Variants in COL22A1 observed in about 807,000 individuals in gnomAD.
COL22A1 encodes the protein collagen type XXII alpha 1 chain.
Under a neutral mutation model 248.9 loss-of-function variants are expected in COL22A1, and 221 were observed. The ratio of observed to expected loss-of-function variants is 0.89; its 90% CI spans 0.80 to 0.99. The LOEUF (loss-of-function observed/expected upper bound fraction) is 0.99. COL22A1 is among the 50% of genes least tolerant of loss of function. The pLI is 0.00. For missense variants in COL22A1, 2,240 were observed against 2,179.0 expected, an observed-to-expected ratio of 1.03 and a Z score of -0.56; for synonymous variants, 891 against 793.4, an observed-to-expected ratio of 1.12 and a Z score of -2.07.
At chr8:138,886,861 T>C (rs1051566392) in intron 1 of COL22A1, among the ~76,000 whole-genome samples, 4 of 152,214 alleles carry the variant, frequency 2.6e-5, no homozygotes, top group African/African-American at 7.2e-5. Context: ...CTCCATCCCC[T>C]TTCCATGCTG....
intron 40 of COL22A1, 70 bp from the exon 41 acceptor site, chr8:138,676,705 T>C (rs1825585575): frequency 8.0e-6 from 9 of 1,125,034 alleles, no homozygotes; most frequent in Non-Finnish European, 1.2e-5. Flanking sequence ...ACAAAATGAA[T>C]CATGCTTCTT....
chr8:138,830,047 A>G (rs1272966125), intron 5 of COL22A1, among the ~76,000 whole-genome samples: 1 of 152,232 alleles, frequency 6.6e-6, no homozygotes, highest in Non-Finnish European at 1.5e-5. Flanking sequence ...CAGGGAGAAA[A>G]AAGATCATTA....
intron 18 of COL22A1, among the ~76,000 whole-genome samples, chr8:138,758,380 A>G (rs891650866): frequency 6.6e-6 from 1 of 152,152 alleles, no homozygotes; most frequent in Non-Finnish European, 1.5e-5. Context: ...TCCAACTACT[A>G]AGTTTCAGGA....
intron 31 of COL22A1, among the ~76,000 whole-genome samples, chr8:138,702,943 G>T (rs1185688614): frequency 3.9e-5 from 6 of 152,126 alleles, no homozygotes; most frequent in African/African-American, 1.4e-4. Flanking sequence ...ACCCTAACAC[G>T]TATAGAGGGC....
chr8:138,825,286 G>A (rs1819494608), intron 6 of COL22A1, among the ~76,000 whole-genome samples: 1 of 152,188 alleles, frequency 6.6e-6, no homozygotes, highest in Non-Finnish European at 1.5e-5. Context: ...CTGCATCTCA[G>A]TATGACCAGG....
chr8:138,807,872 C>T lies in COL22A1; in HGVS notation c.1450-60G>A, dbSNP rs1490269554. The T allele has an allele frequency of 2.6e-6, 4 of 1,549,864 alleles. No homozygotes were observed. The East Asian group carries it at 6.8e-5, about 26-fold the overall frequency. On this transcript the variant is annotated intron_variant, in intron 9 of 64. Transcript: ENST00000303045. ...TATTTTAATTTTCCCTTTCTCTCAA[C>T]ACTGGATGGTAATCCACCCCCACAT...
rs567798146 is a variant in COL22A1 at position 138,651,526 on chromosome 8, G to T, written c.3334-1748C>A. The stretch of plus-strand genomic sequence containing the variant: ...GCAAAGCTGATTGGATTATTTGGAG[G>T]ATGGAAAGAGTTAAATACTGGGATA... On this transcript the variant is annotated intron_variant, in intron 45 of 64. Transcript: ENST00000303045. 2.2e-4 allele frequency among the ~76,000 whole-genome samples: 34 copies of T among 152,318 alleles called. 1 individual carries two copies. The South Asian group carries it at 7.0e-3, about 32-fold the overall frequency.
rs754490053 is a variant in COL22A1, at chr8:138,877,743, C to T, written c.658+7G>A. The T allele has an allele frequency of 9.6e-6, 15 of 1,568,982 alleles. No homozygotes were observed. Among genetic ancestry groups the T allele is most frequent in the Non-Finnish European group, 1.3e-5 (15 of 1,155,320 alleles). On this transcript the variant is annotated splice_region_variant and intron_variant, in intron 3 of 64. Transcript: ENST00000303045. ...GGAGGGGCCGCATGGGGCCCGGGCG[C>T]ACTCACTTTCACAAAGACGGCGCCG...
In COL22A1 at chr8:138,631,144, C is replaced by T. The variant is rs1257199394; in HGVS notation, c.3610-396G>A. ...AGAAGATGCTGGTATCATGCTTGTA[C>T]AGTCTACAGAACTGAGCCAATAAAA... On this transcript the variant is annotated intron_variant, in intron 49 of 64. Coordinates refer to ENST00000303045, the MANE Select transcript of COL22A1 (RefSeq NM_152888.3). Among the ~76,000 whole-genome samples, 4 of 152,196 alleles carry T rather than the reference C, an allele frequency of 2.6e-5. No individual in the cohort carries two copies. In the East Asian group the frequency reaches 7.7e-4, roughly 29 times the overall value.
chr8:138,869,412 T>C (rs576745089), intron 3 of COL22A1, among the ~76,000 whole-genome samples: 3 of 152,282 alleles, frequency 2.0e-5, no homozygotes, highest in South Asian at 2.1e-4. Context: ...CTGCATGCCC[T>C]GGTCTGAAAT....
At chr8:138,845,277 CGG>C (rs1554644317) in intron 3 of COL22A1, among the ~76,000 whole-genome samples, 19 of 151,426 alleles carry the variant, frequency 1.3e-4, no homozygotes, top group Admixed American at 4.6e-4. Context: ...GAGGCCAAGA[CGG>C]GGGGGGATCA....
chr8:138,665,644 A>G, intron 41 of COL22A1, among the ~76,000 whole-genome samples: 1 of 152,214 alleles, frequency 6.6e-6, no homozygotes, highest in Non-Finnish European at 1.5e-5. Context: ...ATCTTCACAG[A>G]TAGATTCCCA....
chr8:138,640,298 A>G (rs1423958293), intron 47 of COL22A1, among the ~76,000 whole-genome samples: 1 of 152,180 alleles, frequency 6.6e-6, no homozygotes, highest in African/African-American at 2.4e-5. Flanking sequence ...GTACATTCAT[A>G]CCAGGAATTG....
chr8:138,898,817 TTCTC>T (rs1241848847), intron 1 of COL22A1, among the ~76,000 whole-genome samples: 1 of 152,012 alleles, frequency 6.6e-6, no homozygotes, highest in African/African-American at 2.4e-5. Flanking sequence ...CAAGCCTCCT[TTCTC>T]TCTTGCCTGG....
At chr8:138,673,866 G>A (rs890552990) in intron 41 of COL22A1, among the ~76,000 whole-genome samples, 4 of 152,222 alleles carry the variant, frequency 2.6e-5, no homozygotes, top group Non-Finnish European at 5.9e-5. Flanking sequence ...GAGTTTCTGG[G>A]AGTCGACTCC....
chr8:138,654,417 C>G (rs576826075), intron 45 of COL22A1, among the ~76,000 whole-genome samples: 22 of 152,332 alleles, frequency 1.4e-4, no homozygotes, highest in African/African-American at 4.8e-4. Context: ...CAAGGCATCT[C>G]AATTTACAGT....
At position 138,725,238 on chromosome 8, in the gene COL22A1, T is replaced by C. The variant is rs1226897297; in HGVS notation, c.2193+149A>G. ...GGTCGGAGAGTCCAGAAGCTGGCGG[T>C]TCTACGTGTCGGGGTCCTCCTGTGT... On this transcript the variant is annotated intron_variant, in intron 24 of 64. Transcript: ENST00000303045. The C allele has an allele frequency of 1.6e-5, 13 of 836,064 alleles. No homozygotes were observed. In the Admixed American group the frequency reaches 2.0e-4, roughly 13 times the overall value. 51.8% of individuals were successfully genotyped at this position (836,064 alleles called of 1,614,324 possible). A position where few individuals can be genotyped will look rare whatever the true frequency, so the allele number is the denominator to read the frequency against.
intron 26 of COL22A1, 79 bp from the exon 27 acceptor site, chr8:138,720,871 G>T: frequency 8.4e-7 from 1 of 1,183,512 alleles, no homozygotes; most frequent in Non-Finnish European, 1.3e-6. Flanking sequence ...GGCACAGGTT[G>T]GAAGGAAGAG....
intron 2 of COL22A1, 132 bp from the exon 3 acceptor site, chr8:138,878,448 G>T: frequency 1.4e-6 from 1 of 729,822 alleles, no homozygotes; most frequent in Non-Finnish European, 2.1e-6. Context: ...TGACCCAAGG[G>T]CCCTGGGCTG....
Sources: gnomAD v4.1 joint callset for allele counts (sites outside exome capture counted in the v4.1 genomes callset) on GRCh38, gnomAD v4.1.1 for gene constraint, MANE v1.5 for transcripts, NCBI Gene and HGNC (gene_info 2026-07-23, HGNC 2026-07-21) for gene names.